The following SLC25A48 variants were observed in gnomAD, a reference collection of about 807,000 sequenced individuals.
SLC25A48 encodes the protein solute carrier family 25 member 48.
SLC25A48 carries 29 observed loss-of-function variants against 32.2 expected under a neutral mutation model. The ratio of observed to expected loss-of-function variants is 0.90; its 90% CI spans 0.67 to 1.23. The LOEUF is 1.23. SLC25A48 is among the 50% of genes most tolerant of loss of function. The pLI is 0.00. For missense variants in SLC25A48, 399 were observed against 422.7 expected, an observed-to-expected ratio of 0.94 and a Z score of 0.49; for synonymous variants, 164 against 172.3, an observed-to-expected ratio of 0.95 and a Z score of 0.38.
At chr5:135,587,489 G>A (rs183612239) in intron 1 of SLC25A48, among the ~76,000 whole-genome samples, 1 of 152,318 alleles carries the variant, frequency 6.6e-6, no homozygotes, top group East Asian at 1.9e-4. Flanking sequence ...TTCTGTCAGT[G>A]TGGTCTCTAG....
Position 135,852,661 on chromosome 5 carries a change from C to T in SLC25A48, c.261C>T (p.Leu87=), listed in dbSNP as rs141621757. Residue 87 remains leucine (L), a synonymous_variant, in exon 4 of 8, where the codon CTC becomes CTT. Transcript: ENST00000681962. ...TCTTCAGTAACACGCAGCGGTTCCT[C>T]AGCCAGCACCGCTGCGGGGAGCCAG... ...FGVFSNTQRF[L]SQHRCGEPEA... is the part of the protein sequence containing the mutation. The T allele has an allele frequency of 1.1e-5, 18 of 1,613,812 alleles. No homozygotes were observed. In the South Asian group the frequency reaches 2.0e-4, roughly 18 times the overall value.
chr5:135,734,876 A>G (rs1755322632), intron 3 of SLC25A48, among the ~76,000 whole-genome samples: 1 of 151,574 alleles, frequency 6.6e-6, no homozygotes, highest in Non-Finnish European at 1.5e-5. Flanking sequence ...CCACTGTAAG[A>G]GTTACCCAAA....
intron 3 of SLC25A48, among the ~76,000 whole-genome samples, chr5:135,774,952 A>T (rs1467145016): frequency 6.6e-6 from 1 of 151,706 alleles, no homozygotes; most frequent in African/African-American, 2.4e-5. Context: ...TACTACTCCC[A>T]GTATCATAGA....
chr5:135,867,462 G>A (rs1349914359), intron 4 of SLC25A48, among the ~76,000 whole-genome samples: 1 of 152,056 alleles, frequency 6.6e-6, no homozygotes, highest in Admixed American at 6.6e-5. Context: ...CAAGAACTCC[G>A]ATCCAGTGTT....
At chr5:135,658,968 C>A (rs115480084) in intron 3 of SLC25A48, among the ~76,000 whole-genome samples, 3,215 of 152,286 alleles carry the variant, frequency 0.021, 43 homozygotes, top group Middle Eastern at 0.027. Context: ...CCTCTAGACC[C>A]GTGATGGGAG....
intron 3 of SLC25A48, among the ~76,000 whole-genome samples, chr5:135,790,696 G>T (rs985005730): frequency 6.6e-6 from 1 of 151,884 alleles, no homozygotes; most frequent in Non-Finnish European, 1.5e-5. Context: ...TACTCCTAAT[G>T]TCACAGTGGG....
At chr5:135,757,418 T>G (rs991958724) in intron 3 of SLC25A48, among the ~76,000 whole-genome samples, 1 of 149,502 alleles carries the variant, frequency 6.7e-6, no homozygotes, top group African/African-American at 2.4e-5. Flanking sequence ...CACACTATGA[T>G]ATTGATAAAA....
intron 3 of SLC25A48, among the ~76,000 whole-genome samples, chr5:135,651,028 T>A (rs1468762580): frequency 6.6e-6 from 1 of 152,148 alleles, no homozygotes; most frequent in Non-Finnish European, 1.5e-5. Context: ...TTTTCCTGCT[T>A]GTTGATAATG....
At chr5:135,735,751 A>G (rs1755345926) in intron 3 of SLC25A48, among the ~76,000 whole-genome samples, 1 of 152,218 alleles carries the variant, frequency 6.6e-6, no homozygotes, top group African/African-American at 2.4e-5. Context: ...GGTAGAAGTT[A>G]GGATGACATT....
chr5:135,679,990 C>T (rs764732513), intron 3 of SLC25A48, among the ~76,000 whole-genome samples: 4 of 152,104 alleles, frequency 2.6e-5, no homozygotes, highest in Admixed American at 6.5e-5. Flanking sequence ...ACAGTGGGAA[C>T]GTGGACCTCT....
intron 1 of SLC25A48, among the ~76,000 whole-genome samples, chr5:135,596,785 G>A (rs1169735210): frequency 6.6e-6 from 1 of 152,170 alleles, no homozygotes; most frequent in Admixed American, 6.5e-5. Context: ...CTTCCTGAGT[G>A]CTCCCTCCAT....
chr5:135,651,273 A>G (rs539460624), intron 3 of SLC25A48, among the ~76,000 whole-genome samples: 15 of 152,114 alleles, frequency 9.9e-5, no homozygotes, highest in Admixed American at 2.0e-4. Flanking sequence ...TTGAGCTCCT[A>G]TAGTGCCCAG....
At chr5:135,763,719 G>C (rs1352862883) in intron 3 of SLC25A48, among the ~76,000 whole-genome samples, 1 of 150,754 alleles carries the variant, frequency 6.6e-6, no homozygotes, top group African/African-American at 2.4e-5. Flanking sequence ...ACTGGAGGTG[G>C]CTCCAAGCAG....
intron 1 of SLC25A48, among the ~76,000 whole-genome samples, chr5:135,591,881 T>C (rs1751536276): frequency 1.3e-5 from 2 of 152,212 alleles, no homozygotes; most frequent in South Asian, 2.1e-4. Context: ...CTGGGATTTC[T>C]CCCAAATAGA....
At chr5:135,725,140 G>C (rs1755059522) in intron 3 of SLC25A48, among the ~76,000 whole-genome samples, 1 of 152,238 alleles carries the variant, frequency 6.6e-6, no homozygotes, top group African/African-American at 2.4e-5. Flanking sequence ...GACAGCTTTT[G>C]CTACTGATTC....
At chr5:135,688,042 C>T (rs1754056640) in intron 3 of SLC25A48, among the ~76,000 whole-genome samples, 1 of 152,270 alleles carries the variant, frequency 6.6e-6, no homozygotes, top group South Asian at 2.1e-4. Context: ...TTCACCCCTT[C>T]CCCAGCCCCA....
chr5:135,600,497 G>A (rs1398569430), intron 1 of SLC25A48, among the ~76,000 whole-genome samples: 1 of 152,094 alleles, frequency 6.6e-6, no homozygotes, highest in African/African-American at 2.4e-5. Flanking sequence ...TGCCCATGCT[G>A]TCTCCCTGAC....
intron 1 of SLC25A48, among the ~76,000 whole-genome samples, chr5:135,602,326 T>A (rs530873040): frequency 6.6e-6 from 1 of 152,314 alleles, no homozygotes; most frequent in Admixed American, 6.5e-5. Context: ...CCACATCAGT[T>A]CAGTGAGACT....
intron 3 of SLC25A48, among the ~76,000 whole-genome samples, chr5:135,759,304 TC>T (rs1756004268): frequency 6.6e-6 from 1 of 152,196 alleles, no homozygotes; most frequent in African/African-American, 2.4e-5. Flanking sequence ...CCATACCACT[TC>T]GAGTTATAAA....
Sources: allele counts gnomAD v4.1 joint callset (sites outside exome capture counted in the v4.1 genomes callset), GRCh38; gene constraint gnomAD v4.1.1; transcripts MANE v1.5; gene names NCBI Gene and HGNC (gene_info 2026-07-23, HGNC 2026-07-21).